The following OPCML variants were observed in gnomAD, a reference collection of about 807,000 sequenced individuals.
OPCML encodes the protein opioid-binding protein/cell adhesion molecule.
In OPCML, 13 loss-of-function variants were observed where a neutral mutation model predicts 37.8. That is an observed-to-expected ratio of 0.34 (90% CI 0.22 to 0.55). OPCML has a LOEUF of 0.55. Among genes scored for constraint, OPCML ranks in the 20% least tolerant of loss-of-function variants. The pLI is 0.91. For missense variants in OPCML, 341 were observed against 435.6 expected, an observed-to-expected ratio of 0.78 and a Z score of 1.93; for synonymous variants, 176 against 168.8, an observed-to-expected ratio of 1.04 and a Z score of -0.33.
intron 1 of OPCML, chr11:133,421,587 G>A: frequency 1.0e-6 from 1 of 985,370 alleles, no homozygotes; most frequent in Non-Finnish European, 1.2e-6. Context: ...ATTGAAAACT[G>A]GGAGTTTCAA....
chr11:133,527,324 C>T (rs1460337605), intron 1 of OPCML, among the ~76,000 whole-genome samples: 1 of 152,162 alleles, frequency 6.6e-6, no homozygotes. Flanking sequence ...GACCTAAAAG[C>T]TCAAAGTCAG....
At chr11:132,626,337 C>T (rs1939735697) in intron 3 of OPCML, among the ~76,000 whole-genome samples, 1 of 151,750 alleles carries the variant, frequency 6.6e-6, no homozygotes, top group Admixed American at 6.6e-5. Flanking sequence ...CAAGGCACTC[C>T]AAGGAGCTGT....
chr11:133,342,650 G>A (rs1411529660), intron 1 of OPCML, among the ~76,000 whole-genome samples: 1 of 152,166 alleles, frequency 6.6e-6, no homozygotes, highest in African/African-American at 2.4e-5. Flanking sequence ...GCGAAGAGTG[G>A]CAGTCTACAG....
chr11:133,307,322 G>C (rs1159052539), intron 1 of OPCML, among the ~76,000 whole-genome samples: 1 of 152,094 alleles, frequency 6.6e-6, no homozygotes, highest in Non-Finnish European at 1.5e-5. Context: ...GAAATGGCAT[G>C]ATAGGGGTTA....
intron 4 of OPCML, among the ~76,000 whole-genome samples, chr11:132,448,043 C>A (rs1027264915): frequency 1.2e-4 from 19 of 152,324 alleles, no homozygotes; most frequent in African/African-American, 4.3e-4. Flanking sequence ...TCCTGGCAGA[C>A]CAAGTACCAG....
At chr11:133,396,302 A>G (rs146582636) in intron 1 of OPCML, among the ~76,000 whole-genome samples, 141 of 152,264 alleles carry the variant, frequency 9.3e-4, no homozygotes, top group African/African-American at 2.9e-3. Context: ...GTTTTTTGGC[A>G]GAGTCTTTAG....
At chr11:132,660,801 G>T (rs1941941559) in intron 2 of OPCML, among the ~76,000 whole-genome samples, 1 of 152,140 alleles carries the variant, frequency 6.6e-6, no homozygotes, top group Admixed American at 6.5e-5. Flanking sequence ...CTCCATGACA[G>T]TCGGCTGATG....
intron 4 of OPCML, among the ~76,000 whole-genome samples, chr11:132,505,307 G>T (rs1012111017): frequency 2.1e-4 from 32 of 152,104 alleles, no homozygotes; most frequent in African/African-American, 5.1e-4. Context: ...TTTAATAAAT[G>T]ACTTCTATTG....
intron 3 of OPCML, among the ~76,000 whole-genome samples, chr11:132,557,801 G>A (rs1457723513): frequency 9.5e-6 from 1 of 105,116 alleles, no homozygotes; most frequent in Non-Finnish European, 1.9e-5. Context: ...AGGGTGATGG[G>A]CAAAATAGCA....
intron 1 of OPCML, chr11:133,007,430 GTTT>G (rs1947133944): frequency 1.0e-6 from 1 of 985,298 alleles, no homozygotes; most frequent in Non-Finnish European, 1.2e-6. Flanking sequence ...GCTGTTACCA[GTTT>G]TTTATCTCCA....
intron 1 of OPCML, among the ~76,000 whole-genome samples, chr11:133,448,186 C>T (rs1428253240): frequency 1.3e-5 from 2 of 152,170 alleles, no homozygotes; most frequent in East Asian, 1.9e-4. Flanking sequence ...TTTAAATCTA[C>T]AATCTATTTC....
intron 1 of OPCML, among the ~76,000 whole-genome samples, chr11:133,386,256 C>A (rs906538924): frequency 2.6e-5 from 4 of 152,158 alleles, no homozygotes; most frequent in African/African-American, 9.7e-5. Context: ...CAGAATTATA[C>A]TTTAATTAGC....
At chr11:132,691,769 G>A (rs1322431556) in intron 2 of OPCML, among the ~76,000 whole-genome samples, 1 of 152,170 alleles carries the variant, frequency 6.6e-6, no homozygotes, top group African/African-American at 2.4e-5. Flanking sequence ...TGATTTAAAT[G>A]TTCATCTACT....
At chr11:132,870,896 G>A (rs886114407) in intron 2 of OPCML, among the ~76,000 whole-genome samples, 2 of 152,066 alleles carry the variant, frequency 1.3e-5, no homozygotes, top group Non-Finnish European at 2.9e-5. Context: ...GGTTACTAGG[G>A]GTAAGGAGGT....
chr11:132,741,759 G>T (rs532421471), intron 2 of OPCML, among the ~76,000 whole-genome samples: 1 of 152,246 alleles, frequency 6.6e-6, no homozygotes, highest in East Asian at 1.9e-4. Context: ...AGGTGCAGTG[G>T]CTCATGCATG....
chr11:133,314,975 A>AGT (rs1440740242), intron 1 of OPCML, among the ~76,000 whole-genome samples: 2 of 126,384 alleles, frequency 1.6e-5, no homozygotes, highest in Admixed American at 7.8e-5. Context: ...ACCACACCTC[A>AGT]GTGTGTGTGC....
chr11:133,323,822 G>C (rs919600260), intron 1 of OPCML, among the ~76,000 whole-genome samples: 1 of 152,230 alleles, frequency 6.6e-6, no homozygotes, highest in Non-Finnish European at 1.5e-5. Context: ...CCACATCCCA[G>C]TTTCCCCCAA....
intron 1 of OPCML, among the ~76,000 whole-genome samples, chr11:133,112,311 G>GAAAAAAAAAAAAAAA: frequency 1.3e-5 from 1 of 79,034 alleles, no homozygotes; most frequent in Non-Finnish European, 2.1e-5. Context: ...AAAAAAAAAA[G>GAAAAAAAAAAAAAAA]GGGAAAGAAA....
chr11:132,477,658 CAG>C (rs1406865024), intron 4 of OPCML, among the ~76,000 whole-genome samples: 2 of 152,178 alleles, frequency 1.3e-5, no homozygotes, highest in Admixed American at 6.5e-5. Flanking sequence ...AAGTTCAAGA[CAG>C]AAGCAAATTC....
Sources: gnomAD v4.1 joint callset for allele counts (sites outside exome capture counted in the v4.1 genomes callset) on GRCh38, gnomAD v4.1.1 for gene constraint, MANE v1.5 for transcripts, NCBI Gene and HGNC (gene_info 2026-07-23, HGNC 2026-07-21) for gene names.